The following CELF2 variants were observed in gnomAD, a reference collection of about 807,000 sequenced individuals.
The protein encoded by CELF2 is CUG triplet repeat RNA-binding protein 2.
In CELF2, 8 loss-of-function variants were observed where a neutral mutation model predicts 62.6. The ratio of observed to expected loss-of-function variants is 0.13; its 90% CI spans 0.07 to 0.23. The LOEUF is 0.23. CELF2 is among the 10% of genes least tolerant of loss of function. CELF2 has a pLI of 1.00. For synonymous variants in CELF2, 258 were observed against 250.0 expected (o/e 1.03, Z -0.30); for missense variants, 333 against 671.0 (o/e 0.50, Z 5.56).
At chr10:10,656,196 A>G in the CELF2 span, among the ~76,000 whole-genome samples, 54,060 of 134,110 alleles carry the variant, frequency 0.4, 11,417 homozygotes, top group South Asian at 0.65. Context: ...AGTTAGAATG[A>G]CAATCATTAA....
intron 2 of CELF2, among the ~76,000 whole-genome samples, chr10:11,182,757 C>T (rs1444648850): frequency 2.0e-5 from 3 of 152,210 alleles, no homozygotes; most frequent in African/African-American, 7.2e-5. Context: ...ATTATCTGCT[C>T]TTTGGTTGGC....
chr10:10,877,596 CTT>C (rs1283295685), intron 1 of CELF2, among the ~76,000 whole-genome samples: 1 of 152,232 alleles, frequency 6.6e-6, no homozygotes, highest in African/African-American at 2.4e-5. Flanking sequence ...CCCCACTTGA[CTT>C]TTCTCTTTAG....
the CELF2 span, among the ~76,000 whole-genome samples, chr10:10,532,119 A>G: frequency 1.3e-5 from 2 of 152,376 alleles, no homozygotes; most frequent in South Asian, 4.1e-4. Flanking sequence ...CTTTCAAAAG[A>G]CAGGCAACAT....
chr10:10,980,139 C>T (rs1005785565), intron 2 of CELF2, among the ~76,000 whole-genome samples: 4 of 152,154 alleles, frequency 2.6e-5, no homozygotes, highest in Admixed American at 2.6e-4. Flanking sequence ...AGAAAAATTG[C>T]CAGAGCTTTA....
intron 1 of CELF2, among the ~76,000 whole-genome samples, chr10:11,059,719 A>C (rs1291837): frequency 0.047 from 7,151 of 152,260 alleles, 238 homozygotes; most frequent in African/African-American, 0.098. Flanking sequence ...TATCAGCCAG[A>C]GGGAAGCGCA....
intron 8 of CELF2, 152 bp downstream of exon 8, chr10:11,275,272 C>T: frequency 1.3e-6 from 1 of 792,864 alleles, no homozygotes. Context: ...TTGGAACCGC[C>T]TGCTCTGAAG....
chr10:11,225,093 C>T (rs1471114636), intron 3 of CELF2, among the ~76,000 whole-genome samples: 5 of 152,048 alleles, frequency 3.3e-5, no homozygotes, highest in Admixed American at 3.3e-4. Flanking sequence ...AGTAGTATGA[C>T]ATAAGCTGTT....
chr10:11,045,905 G>C (rs1227910222), intron 1 of CELF2, among the ~76,000 whole-genome samples: 1 of 152,212 alleles, frequency 6.6e-6, no homozygotes, highest in African/African-American at 2.4e-5. Context: ...ATACCCGTTA[G>C]AATGTGTGCT....
Position 11,333,507 on chromosome 10 carries a change from T to TTTACTGTTTGTTTTTATTATC in CELF2, c.*4458_*4478dup, listed in dbSNP as rs1363071669. 7 of 152,464 alleles carry TTTACTGTTTGTTTTTATTATC rather than the reference T, an allele frequency of 4.6e-5. No homozygotes were observed. Among genetic ancestry groups the TTTACTGTTTGTTTTTATTATC allele is most frequent in the African/African-American group, 1.7e-4 (7 of 41,436 alleles). 9.4% of individuals were successfully genotyped at this position (152,464 alleles called of 1,614,324 possible). A position where few individuals can be genotyped will look rare whatever the true frequency, so the allele number is the denominator to read the frequency against. ...TTGGCTTGTGCTACTCTGGAATCAT[T>TTTACTGTTTGTTTTTATTATC]TTACTGTTTGTTTTTATTATCTTAA... On this transcript the variant is annotated 3_prime_UTR_variant, in exon 13 of 13. Coordinates refer to ENST00000633077, the MANE Select transcript of CELF2 (RefSeq NM_001326342.2).
intron 1 of CELF2, among the ~76,000 whole-genome samples, chr10:11,064,034 A>G (rs1369848890): frequency 6.6e-6 from 1 of 152,160 alleles, no homozygotes; most frequent in Non-Finnish European, 1.5e-5. Flanking sequence ...TTCAGCAGAT[A>G]CTTTAAGGGT....
chr10:10,691,604 T>C, the CELF2 span, among the ~76,000 whole-genome samples: 82 of 152,012 alleles, frequency 5.4e-4, no homozygotes, highest in African/African-American at 1.9e-3. Context: ...AATGGTTGAA[T>C]CAGTTTACAG....
the CELF2 span, among the ~76,000 whole-genome samples, chr10:10,468,693 T>C: frequency 6.6e-6 from 1 of 152,034 alleles, no homozygotes; most frequent in Non-Finnish European, 1.5e-5. Context: ...TTCTTCACAA[T>C]TTGATGTGGA....
chr10:10,566,042 A>C, the CELF2 span, among the ~76,000 whole-genome samples: 2 of 152,214 alleles, frequency 1.3e-5, no homozygotes, highest in Non-Finnish European at 2.9e-5. Context: ...ATGGAACTCT[A>C]TCCCAACCCA....
At chr10:11,136,923 A>C (rs1468760053) in intron 1 of CELF2, among the ~76,000 whole-genome samples, 2 of 152,238 alleles carry the variant, frequency 1.3e-5, no homozygotes, top group African/African-American at 4.8e-5. Context: ...TGCTGACTTA[A>C]TATTATCCAA....
chr10:11,178,840 C>T lies in CELF2; in HGVS notation c.271+13158C>T, dbSNP rs377489452. On this transcript the variant is annotated intron_variant, in intron 2 of 12. Transcript: ENST00000633077. This position sits in a 1 kb window ranked among gnomAD's most constrained non-coding sequence, Gnocchi z 4.3. ...AGTGAGTCTATGAAAACCCATTGGT[C>T]GGGCTGCCCTAGCAACACAGAATGC... is the stretch of plus-strand genomic sequence containing the variant. Among the ~76,000 whole-genome samples the T allele has an allele frequency of 6.6e-6, 1 of 152,186 alleles. No individual in the cohort carries two copies. Among genetic ancestry groups the T allele is most frequent in the Non-Finnish European group, 1.5e-5 (1 of 68,042 alleles).
chr10:11,064,344 T>C (rs1425787768), intron 1 of CELF2, among the ~76,000 whole-genome samples: 1 of 152,204 alleles, frequency 6.6e-6, no homozygotes, highest in Non-Finnish European at 1.5e-5. Flanking sequence ...CCACCAGCAC[T>C]CCCTTCAGAG....
the CELF2 span, among the ~76,000 whole-genome samples, chr10:10,727,027 A>G: frequency 6.6e-6 from 1 of 152,172 alleles, no homozygotes; most frequent in Non-Finnish European, 1.5e-5. Flanking sequence ...TTCAACAACC[A>G]GATCTCGTGA....
At chr10:11,307,814 G>A (rs957402416) in intron 9 of CELF2, among the ~76,000 whole-genome samples, 1 of 152,112 alleles carries the variant, frequency 6.6e-6, no homozygotes, top group Admixed American at 6.5e-5. Flanking sequence ...AATGGGGCTG[G>A]GCCAGGACCC....
intron 2 of CELF2, among the ~76,000 whole-genome samples, chr10:11,204,545 C>T (rs1036678359): frequency 6.6e-6 from 1 of 152,230 alleles, no homozygotes. Flanking sequence ...CATGCCTTGT[C>T]GGGGGCCGGT....
Sources: gnomAD v4.1 joint callset for allele counts (sites outside exome capture counted in the v4.1 genomes callset) on GRCh38, gnomAD v4.1.1 for gene constraint, Gnocchi (gnomAD v3.1) non-coding constraint, MANE v1.5 for transcripts, NCBI Gene and HGNC (gene_info 2026-07-23, HGNC 2026-07-21) for gene names.